The following RTL4 variants were observed in gnomAD, a reference collection of about 807,000 sequenced individuals.
The protein encoded by RTL4 is retrotransposon Gag-like protein 4.
A neutral mutation model predicts 5.3 loss-of-function variants in RTL4; 4 were observed. The observed-to-expected ratio is 0.75, with a 90% CI of 0.37 to 1.72. The LOEUF is 1.72. Ranked by LOEUF, RTL4 falls within the 40% of genes most tolerant of loss-of-function variation. The pLI is 0.04. For synonymous variants in RTL4, 98 were observed against 87.3 expected, an observed-to-expected ratio of 1.12 and a Z score of -0.68; for missense variants, 260 against 227.1, an observed-to-expected ratio of 1.14 and a Z score of -0.93.
the RTL4 span, among the ~76,000 whole-genome samples, chrX:112,177,574 T>C: frequency 3.6e-5 from 4 of 110,241 alleles, no homozygotes; most frequent in African/African-American, 1.3e-4. Context: ...GTATGTACTC[T>C]GGTTATTAAT....
At chrX:112,365,373 A>T in the RTL4 span, among the ~76,000 whole-genome samples, 1 of 110,881 alleles carries the variant, frequency 9.0e-6, no homozygotes, top group Admixed American at 9.6e-5. Flanking sequence ...CTTATACTTA[A>T]TCTTAAAGGT....
chrX:112,286,474 A>G, the RTL4 span, among the ~76,000 whole-genome samples: 1 of 111,443 alleles, frequency 9.0e-6, no homozygotes, highest in Non-Finnish European at 1.9e-5. Flanking sequence ...TACCATTGTG[A>G]TGAGAATAGA....
At chrX:112,343,757 T>C in the RTL4 span, among the ~76,000 whole-genome samples, 1 of 111,995 alleles carries the variant, frequency 8.9e-6, no homozygotes, top group Non-Finnish European at 1.9e-5. Flanking sequence ...TAAGGAATAT[T>C]AGTTTGGAAA....
chrX:112,422,272 A>G, the RTL4 span, among the ~76,000 whole-genome samples: 1 of 111,682 alleles, frequency 9.0e-6, no homozygotes, highest in African/African-American at 3.2e-5. Context: ...GCATGCTTCT[A>G]AGTACTTTCT....
At chrX:112,380,007 A>G in the RTL4 span, among the ~76,000 whole-genome samples, 1 of 111,320 alleles carries the variant, frequency 9.0e-6, no homozygotes, top group South Asian at 3.7e-4. Context: ...TCAACTCTGG[A>G]AATCACTGAT....
chrX:112,419,032 A>ATATATATATATATATATATATCT, the RTL4 span, among the ~76,000 whole-genome samples: 3 of 1,157 alleles, frequency 2.6e-3, no homozygotes, highest in Non-Finnish European at 0.027. Flanking sequence ...TTCACATAAG[A>ATATATATATATATATATATATCT]TATATATATA....
At chrX:112,298,726 G>A in the RTL4 span, among the ~76,000 whole-genome samples, 1 of 112,807 alleles carries the variant, frequency 8.9e-6, no homozygotes, top group East Asian at 2.8e-4. Context: ...GTGACAGTGT[G>A]CAAACTGCCC....
chrX:112,251,053 T>G, the RTL4 span, among the ~76,000 whole-genome samples: 1 of 112,026 alleles, frequency 8.9e-6, no homozygotes, highest in Middle Eastern at 4.6e-3. Flanking sequence ...TTGTTGTTCT[T>G]AGTGCTTTAC....
At chrX:112,414,690 T>G in the RTL4 span, among the ~76,000 whole-genome samples, 1 of 111,815 alleles carries the variant, frequency 8.9e-6, no homozygotes, top group East Asian at 2.8e-4. Flanking sequence ...TCTTCTGTAT[T>G]TGACATGAAG....
chrX:112,252,890 T>A, the RTL4 span, among the ~76,000 whole-genome samples: 8 of 111,033 alleles, frequency 7.2e-5, no homozygotes, highest in African/African-American at 2.0e-4. Flanking sequence ...GGAAAATACC[T>A]CAATCAAAGA....
chrX:112,269,911 T>C, the RTL4 span, among the ~76,000 whole-genome samples: 4 of 112,414 alleles, frequency 3.6e-5, no homozygotes, highest in South Asian at 1.1e-3. Flanking sequence ...TGCAGTAATG[T>C]TGAAACATGG....
At chrX:112,239,856 G>A in the RTL4 span, among the ~76,000 whole-genome samples, 1 of 111,970 alleles carries the variant, frequency 8.9e-6, no homozygotes. Context: ...CTGCTATAAA[G>A]AAGGTTAAAT....
At chrX:112,423,918 C>T in the RTL4 span, among the ~76,000 whole-genome samples, 1 of 111,245 alleles carries the variant, frequency 9.0e-6, no homozygotes, top group Non-Finnish European at 1.9e-5. Flanking sequence ...ATCCTAAAAC[C>T]CAGAATTTGG....
chrX:112,263,363 A>C, the RTL4 span, among the ~76,000 whole-genome samples: 1 of 110,629 alleles, frequency 9.0e-6, no homozygotes, highest in African/African-American at 3.3e-5. Context: ...ATCTGGATGA[A>C]TGGCCAGAAA....
the RTL4 span, among the ~76,000 whole-genome samples, chrX:112,436,051 T>C: frequency 4.3e-4 from 48 of 111,185 alleles, 1 homozygote; most frequent in East Asian, 0.013. Context: ...ACCCCCTCTC[T>C]ACCTAAAATA....
chrX:112,441,290 A>C, the RTL4 span, among the ~76,000 whole-genome samples: 1 of 110,948 alleles, frequency 9.0e-6, no homozygotes, highest in African/African-American at 3.3e-5. Context: ...CCATACTACT[A>C]ATGTTTGCTT....
At chrX:112,177,763 G>C in the RTL4 span, among the ~76,000 whole-genome samples, 1 of 110,940 alleles carries the variant, frequency 9.0e-6, no homozygotes, top group African/African-American at 3.3e-5. Flanking sequence ...ACTAGGTACA[G>C]ACCATCCAGT....
the RTL4 span, among the ~76,000 whole-genome samples, chrX:112,422,919 T>C: frequency 1.8e-5 from 2 of 111,452 alleles, no homozygotes; most frequent in African/African-American, 6.5e-5. Flanking sequence ...CTACCTCAAC[T>C]ACCAAGTGGC....
the RTL4 span, among the ~76,000 whole-genome samples, chrX:112,226,340 T>C: frequency 1.8e-5 from 2 of 112,092 alleles, no homozygotes; most frequent in African/African-American, 6.5e-5. Context: ...TTATGAAGCC[T>C]TCCATGTATC....
Sources: allele counts gnomAD v4.1 joint callset (sites outside exome capture counted in the v4.1 genomes callset), GRCh38; gene constraint gnomAD v4.1.1; transcripts MANE v1.5; gene names NCBI Gene and HGNC (gene_info 2026-07-23, HGNC 2026-07-21).